Variants in NRXN3 observed in about 807,000 individuals in gnomAD.
The protein encoded by NRXN3 is neurexin 3, also known as neurexin III.
In NRXN3, 32 loss-of-function variants were observed where a neutral mutation model predicts 137.6. The observed-to-expected ratio is 0.23, with a 90% CI of 0.18 to 0.31. The LOEUF (loss-of-function observed/expected upper bound fraction) is 0.31, where lower values mean the gene tolerates loss of function less well. Ranked by LOEUF, NRXN3 falls within the 10% of genes least tolerant of loss-of-function variation. The pLI is 1.00. For synonymous variants in NRXN3, 798 were observed against 784.5 expected (o/e 1.02, Z -0.29); for missense variants, 1,574 against 2,062.5 (o/e 0.76, Z 4.59).
At chr14:79,047,860 A>G (rs2099635295) in intron 15 of NRXN3, among the ~76,000 whole-genome samples, 1 of 152,192 alleles carries the variant, frequency 6.6e-6, no homozygotes, top group South Asian at 2.1e-4. Context: ...ACCACTTTGG[A>G]AAAATTGCAG....
chr14:79,207,964 G>A (rs1481132338), intron 15 of NRXN3, among the ~76,000 whole-genome samples: 1 of 152,066 alleles, frequency 6.6e-6, no homozygotes, highest in African/African-American at 2.4e-5. Flanking sequence ...TGTGGAGTAG[G>A]TAACGTTATT....
intron 4 of NRXN3, among the ~76,000 whole-genome samples, chr14:78,375,435 T>C (rs778851934): frequency 1.6e-4 from 24 of 152,206 alleles, no homozygotes; most frequent in Non-Finnish European, 3.1e-4. Context: ...TGTAAGCTTT[T>C]TAATCATCCT....
intron 8 of NRXN3, among the ~76,000 whole-genome samples, chr14:78,778,714 CTT>C (rs1248905444): frequency 1.4e-5 from 2 of 142,300 alleles, no homozygotes; most frequent in African/African-American, 2.6e-5. Flanking sequence ...TTCTTTCTTT[CTT>C]TCTTTCTTTC....
At chr14:79,820,102 G>A (rs1231652370) in intron 20 of NRXN3, among the ~76,000 whole-genome samples, 2 of 152,084 alleles carry the variant, frequency 1.3e-5, no homozygotes, top group Non-Finnish European at 2.9e-5. Flanking sequence ...GCTGACAAAT[G>A]TCTAAATGAC....
chr14:78,707,839 A>G (rs2098369691), intron 6 of NRXN3, among the ~76,000 whole-genome samples: 1 of 152,228 alleles, frequency 6.6e-6, no homozygotes, highest in African/African-American at 2.4e-5. Context: ...TTCACTTAGA[A>G]TAATAGTTTC....
intron 4 of NRXN3, among the ~76,000 whole-genome samples, chr14:78,454,644 G>A (rs1442445283): frequency 2.0e-5 from 3 of 152,170 alleles, no homozygotes; most frequent in Non-Finnish European, 4.4e-5. Flanking sequence ...ATAAATAATT[G>A]TTGAGTCAGG....
At chr14:78,920,210 G>C (rs1167636018) in intron 10 of NRXN3, among the ~76,000 whole-genome samples, 1 of 152,088 alleles carries the variant, frequency 6.6e-6, no homozygotes, top group Non-Finnish European at 1.5e-5. Flanking sequence ...CTAGAGCCTG[G>C]CCTGCCACAG....
At position 78,911,399 on chromosome 14, in the gene NRXN3, A is replaced by G. The variant is rs543212545; in HGVS notation, c.2276-45843A>G. Among the ~76,000 whole-genome samples, 106 of 152,322 alleles carry G rather than the reference A, an allele frequency of 7.0e-4. 1 individual carries two copies. Among genetic ancestry groups the G allele is most frequent in the Middle Eastern group, 3.4e-3 (1 of 294 alleles). On this transcript the variant is annotated intron_variant, in intron 10 of 20. Coordinates refer to ENST00000335750, the MANE Select transcript of NRXN3 (RefSeq NM_001330195.2). ...TGTCTGTATCTATATACAAGTCATG[A>G]TAAGATGCCTCATAATAATACCAAG...
chr14:79,498,679 A>G (rs1346317266), intron 16 of NRXN3, among the ~76,000 whole-genome samples: 1 of 152,228 alleles, frequency 6.6e-6, no homozygotes, highest in Non-Finnish European at 1.5e-5. Context: ...CTGCAACTCA[A>G]TACCATGCTC....
At chr14:79,014,046 T>A (rs750636715) in intron 15 of NRXN3, among the ~76,000 whole-genome samples, 3 of 152,172 alleles carry the variant, frequency 2.0e-5, no homozygotes, top group Non-Finnish European at 4.4e-5. Flanking sequence ...GCACCATCAT[T>A]CACTAAAGTG....
intron 8 of NRXN3, among the ~76,000 whole-genome samples, chr14:78,752,133 G>C (rs565243761): frequency 6.6e-6 from 1 of 152,220 alleles, no homozygotes; most frequent in Non-Finnish European, 1.5e-5. Context: ...GGCCAGGCGC[G>C]GTGGCTCATG....
chr14:79,753,638 T>C (rs1426820571), intron 19 of NRXN3, among the ~76,000 whole-genome samples: 1 of 151,038 alleles, frequency 6.6e-6, no homozygotes, highest in Non-Finnish European at 1.5e-5. Context: ...AGTTAATGGG[T>C]GCAGCACACC....
At chr14:79,123,724 G>C (rs953486685) in intron 15 of NRXN3, among the ~76,000 whole-genome samples, 11 of 152,174 alleles carry the variant, frequency 7.2e-5, no homozygotes, top group Non-Finnish European at 1.3e-4. Context: ...CTCTATCTTG[G>C]AGGCTGGGAT....
intron 10 of NRXN3, among the ~76,000 whole-genome samples, chr14:78,890,840 T>A (rs1458960156): frequency 6.6e-6 from 1 of 151,748 alleles, no homozygotes; most frequent in Non-Finnish European, 1.5e-5. Context: ...GGGGGCAAAA[T>A]GAGTTTCTGG....
At chr14:78,880,297 AAGTC>A (rs1157106182) in intron 10 of NRXN3, among the ~76,000 whole-genome samples, 1 of 151,824 alleles carries the variant, frequency 6.6e-6, no homozygotes, top group African/African-American at 2.4e-5. Flanking sequence ...TAGGCAGGGT[AAGTC>A]TGTTGTCAGG....
intron 15 of NRXN3, among the ~76,000 whole-genome samples, chr14:79,042,569 T>C (rs1223643461): frequency 6.6e-6 from 1 of 152,210 alleles, no homozygotes; most frequent in South Asian, 2.1e-4. Context: ...TTTTACATTG[T>C]GTTTTTCTTT....
chr14:79,490,612 A>G (rs1000311814), intron 16 of NRXN3, among the ~76,000 whole-genome samples: 1 of 151,884 alleles, frequency 6.6e-6, no homozygotes, highest in African/African-American at 2.4e-5. Flanking sequence ...GGATCTGAAA[A>G]TCAAAACAAT....
chr14:79,376,215 T>C (rs2094286523), intron 15 of NRXN3, among the ~76,000 whole-genome samples: 1 of 1,028 alleles, frequency 9.7e-4, no homozygotes, highest in African/African-American at 2.6e-3. Flanking sequence ...TGTGTGTATG[T>C]ATATATATAT....
intron 16 of NRXN3, among the ~76,000 whole-genome samples, chr14:79,550,290 C>A (rs1268836160): frequency 6.6e-6 from 1 of 151,966 alleles, no homozygotes; most frequent in Admixed American, 6.6e-5. Context: ...TTTTAAAGTT[C>A]AGCTGGAAGA....
Sources: gnomAD v4.1 joint callset for allele counts (sites outside exome capture counted in the v4.1 genomes callset) on GRCh38, gnomAD v4.1.1 for gene constraint, MANE v1.5 for transcripts, NCBI Gene and HGNC (gene_info 2026-07-23, HGNC 2026-07-21) for gene names.